ROBO1: variants seen among roughly 807,000 people sequenced by gnomAD.
ROBO1 encodes roundabout homolog 1.
In ROBO1, 149 loss-of-function variants were observed where a neutral mutation model predicts 195.9. The observed-to-expected ratio is 0.76, with a 90% CI of 0.67 to 0.87. The LOEUF (loss-of-function observed/expected upper bound fraction) is 0.87, where lower values mean the gene tolerates loss of function less well. Among genes scored for constraint, ROBO1 ranks in the 40% least tolerant of loss-of-function variants. ROBO1 has a pLI of 0.00. For synonymous variants in ROBO1, 816 were observed against 733.2 expected (o/e 1.11, Z -1.82); for missense variants, 1,933 against 2,068.3 (o/e 0.93, Z 1.27).
chr3:79,509,211 C>T (rs573694629), intron 2 of ROBO1, among the ~76,000 whole-genome samples: 5 of 151,896 alleles, frequency 3.3e-5, no homozygotes, highest in African/African-American at 9.7e-5. Flanking sequence ...AAAAAAACAA[C>T]ATATTCTGGG....
chr3:78,631,281 G>GCCC lies in ROBO1; in HGVS notation c.3503_3505dup (p.Gly1168dup), dbSNP rs148625921. 3,464 of 1,613,322 alleles carry GCCC rather than the reference G, an allele frequency of 2.1e-3. 10 individuals carry two copies. The highest frequency in any genetic ancestry group is 2.8e-3 in the Non-Finnish European group (3,288 of 1,179,574). Reference sequence around the variant, plus strand: ...CTGTTTTGGTACCTTGGGTGTTCTTGCCCCTTTCTTGTGCCCCTGACTCCC... The same window carrying GCCC: ...CTGTTTTGGTACCTTGGGTGTTCTTGCCCCCCCTTTCTTGTGCCCCTGACTCCC... On this transcript the variant is annotated inframe_insertion, in exon 25 of 31. Coordinates refer to ENST00000464233, the MANE Select transcript of ROBO1 (RefSeq NM_002941.4).
At chr3:79,404,111 T>C (rs1360574336) in intron 2 of ROBO1, among the ~76,000 whole-genome samples, 3 of 152,078 alleles carry the variant, frequency 2.0e-5, no homozygotes, top group Non-Finnish European at 4.4e-5. Flanking sequence ...AAAATTGCTT[T>C]TCTATTCATG....
intron 5 of ROBO1, among the ~76,000 whole-genome samples, chr3:78,729,551 A>T (rs190411300): frequency 1.4e-4 from 21 of 152,280 alleles, no homozygotes; most frequent in Admixed American, 1.2e-3. Flanking sequence ...AAAGCAATCA[A>T]CCAGGAAAGC....
At chr3:79,747,233 CTTTGT>C (rs1703917194) in intron 1 of ROBO1, among the ~76,000 whole-genome samples, 2 of 151,844 alleles carry the variant, frequency 1.3e-5, no homozygotes, top group Admixed American at 1.3e-4. Flanking sequence ...GTGCTCAGTT[CTTTGT>C]TTTCATTTAT....
chr3:79,004,744 C>T (rs985184347), intron 3 of ROBO1, among the ~76,000 whole-genome samples: 3 of 152,046 alleles, frequency 2.0e-5, no homozygotes, highest in East Asian at 3.9e-4. Flanking sequence ...AGAGTGTATT[C>T]GTGTGGTTAA....
chr3:78,644,516 T>C (rs1472849133), intron 21 of ROBO1, among the ~76,000 whole-genome samples: 1 of 152,188 alleles, frequency 6.6e-6, no homozygotes, highest in Non-Finnish European at 1.5e-5. Flanking sequence ...CAACATCGTT[T>C]AGCATTTCAT....
chr3:79,530,646 G>A (rs955791197), intron 2 of ROBO1, among the ~76,000 whole-genome samples: 1 of 151,880 alleles, frequency 6.6e-6, no homozygotes, highest in East Asian at 1.9e-4. Context: ...TGTCAAAATT[G>A]CTCAGTGGCT....
At chr3:78,916,557 GAAAAAAA>G (rs969858186) in intron 4 of ROBO1, among the ~76,000 whole-genome samples, 3 of 74,158 alleles carry the variant, frequency 4.0e-5, no homozygotes, top group Admixed American at 3.0e-4. Flanking sequence ...GTCTCAAAAA[GAAAAAAA>G]AAAAAAAAAG....
chr3:78,886,467 G>T (rs1008039610), intron 4 of ROBO1, among the ~76,000 whole-genome samples: 1 of 152,040 alleles, frequency 6.6e-6, no homozygotes, highest in Non-Finnish European at 1.5e-5. Flanking sequence ...GTTGGCGCAT[G>T]CCTGTAATCC....
chr3:79,075,578 A>G (rs1158278489), intron 3 of ROBO1, among the ~76,000 whole-genome samples: 1 of 151,972 alleles, frequency 6.6e-6, no homozygotes, highest in African/African-American at 2.4e-5. Flanking sequence ...AGGATTTTAT[A>G]GTGGCACCAA....
intron 5 of ROBO1, among the ~76,000 whole-genome samples, chr3:78,719,769 T>C (rs540497518): frequency 1.3e-5 from 2 of 152,254 alleles, no homozygotes; most frequent in South Asian, 4.1e-4. Flanking sequence ...CAGTGCTAGG[T>C]AATTTAGAAA....
At chr3:79,461,090 A>C (rs538217697) in intron 2 of ROBO1, among the ~76,000 whole-genome samples, 36 of 152,318 alleles carry the variant, frequency 2.4e-4, no homozygotes, top group Non-Finnish European at 4.6e-4. Flanking sequence ...CTTCACTGAA[A>C]TTAAAATATT....
chr3:79,523,049 TTATC>T (rs929311354), intron 2 of ROBO1, among the ~76,000 whole-genome samples: 10 of 152,246 alleles, frequency 6.6e-5, no homozygotes, highest in African/African-American at 2.4e-4. Context: ...ACAGTTATAA[TTATC>T]TAATAAACAA....
At chr3:79,067,833 C>T (rs2079028379) in intron 3 of ROBO1, among the ~76,000 whole-genome samples, 1 of 151,908 alleles carries the variant, frequency 6.6e-6, no homozygotes, top group Admixed American at 6.6e-5. Flanking sequence ...CAGGGTAACT[C>T]ACAAGGGTAC....
chr3:79,119,776 T>C (rs2080081654), intron 3 of ROBO1, among the ~76,000 whole-genome samples: 1 of 152,032 alleles, frequency 6.6e-6, no homozygotes, highest in African/African-American at 2.4e-5. Flanking sequence ...TGGATTTTTT[T>C]TTTTTTCTTG....
intron 3 of ROBO1, among the ~76,000 whole-genome samples, chr3:78,956,950 TA>T (rs2041078612): frequency 6.6e-6 from 1 of 152,052 alleles, no homozygotes; most frequent in Non-Finnish European, 1.5e-5. Context: ...AATTCTAGCT[TA>T]AAAGACAGAC....
chr3:79,699,104 T>C (rs1429506941), intron 1 of ROBO1, among the ~76,000 whole-genome samples: 4 of 149,966 alleles, frequency 2.7e-5, no homozygotes, highest in African/African-American at 9.7e-5. Context: ...TATATGACAT[T>C]AACATTTATG....
Position 79,638,320 on chromosome 3 carries a change from C to T in ROBO1, c.-50-48359G>A, listed in dbSNP as rs138518551. Among the ~76,000 whole-genome samples the T allele has an allele frequency of 1.9e-4, 29 of 152,330 alleles. 1 individual carries two copies. The highest frequency in any genetic ancestry group is 3.7e-4 in the Non-Finnish European group (25 of 68,030). ...CCTACAGTGATTCTAATTTATTTAG[C>T]AGAAATCTCAGTTTCTAACTTACCA... On this transcript the variant is annotated intron_variant, in intron 1 of 30. Transcript: ENST00000464233.
At chr3:79,581,796 TA>T (rs765189958) in intron 2 of ROBO1, among the ~76,000 whole-genome samples, 3 of 152,082 alleles carry the variant, frequency 2.0e-5, no homozygotes, top group African/African-American at 4.8e-5. Flanking sequence ...GAAAGAACTT[TA>T]AAAAAATTAC....
Sources: allele counts gnomAD v4.1 joint callset (sites outside exome capture counted in the v4.1 genomes callset), GRCh38; gene constraint gnomAD v4.1.1; transcripts MANE v1.5; gene names NCBI Gene and HGNC (gene_info 2026-07-23, HGNC 2026-07-21).